Variants in DLC1 observed in about 807,000 individuals in gnomAD.
DLC1 encodes rho GTPase-activating protein 7.
Under a neutral mutation model 140.3 loss-of-function variants are expected in DLC1, and 54 were observed. The observed-to-expected ratio is 0.38, with a 90% CI of 0.31 to 0.48. DLC1 has a LOEUF of 0.48. DLC1 is among the 20% of genes least tolerant of loss of function. The probability of loss-of-function intolerance (pLI) is 0.96; values close to 1 mark genes in which losing one functional copy is unlikely to be tolerated. For missense variants in DLC1, 2,536 were observed against 1,907.0 expected (o/e 1.33, Z -6.14); for synonymous variants, 986 against 728.1 (o/e 1.35, Z -5.70).
intron 5 of DLC1, among the ~76,000 whole-genome samples, chr8:13,182,700 A>G (rs893620594): frequency 3.3e-5 from 5 of 152,166 alleles, no homozygotes; most frequent in Admixed American, 1.3e-4. Flanking sequence ...TGGTACCAGT[A>G]CCATGCTGTT....
Position 13,099,674 on chromosome 8 carries a change from T to C in DLC1, c.2663A>G (p.Tyr888Cys), listed in dbSNP as rs765622304. ...ATCCGCCAGGTCCCCTGAACTGGAG[T>C]AGAGGATGGAGCCCGGCACGTTGTC... ...IYDNVPGSIL[Y>C]SSSGDLADLE... is the part of the protein sequence containing the mutation. Residue 888 changes from tyrosine (Y) to cysteine (C), a missense_variant, in exon 9 of 18, where the codon TAC becomes TGC. By Grantham distance (194) the Tyr-to-Cys change is radical. Transcript: ENST00000276297. 4.3e-6 allele frequency: 7 copies of C among 1,613,978 alleles called. No homozygotes were observed. The South Asian group carries it at 7.7e-5, about 18-fold the overall frequency.
chr8:13,298,336 A>G (rs576253310), intron 5 of DLC1, among the ~76,000 whole-genome samples: 8 of 152,334 alleles, frequency 5.3e-5, no homozygotes, highest in South Asian at 2.1e-4. Context: ...AGTACCATTA[A>G]TTCATGACCT....
chr8:13,601,372 A>C (rs137906378), intron 1 of DLC1, among the ~76,000 whole-genome samples: 214 of 151,842 alleles, frequency 1.4e-3, no homozygotes, highest in Non-Finnish European at 2.2e-3. Context: ...AAAGTAGTCT[A>C]CTCATTTAGT....
At chr8:13,359,103 T>A (rs1835091282) in intron 4 of DLC1, among the ~76,000 whole-genome samples, 1 of 152,144 alleles carries the variant, frequency 6.6e-6, no homozygotes, top group African/African-American at 2.4e-5. Context: ...CACGCCCGGC[T>A]AATTTTTTCG....
intron 2 of DLC1, among the ~76,000 whole-genome samples, chr8:13,423,058 A>G (rs894673693): frequency 1.3e-5 from 2 of 152,188 alleles, no homozygotes; most frequent in African/African-American, 4.8e-5. Flanking sequence ...CTCTAGCTCT[A>G]GCTCAGTTCT....
intron 5 of DLC1, chr8:13,276,539 C>G: frequency 3.1e-6 from 4 of 1,289,316 alleles, no homozygotes; most frequent in Non-Finnish European, 3.9e-6. Context: ...CCCCGGGAAG[C>G]GCCAACTGCA....
intron 1 of DLC1, among the ~76,000 whole-genome samples, chr8:13,539,012 A>G (rs1803394651): frequency 6.6e-6 from 1 of 152,160 alleles, no homozygotes. Context: ...TTAGTCACTT[A>G]AATTATTTTG....
At chr8:13,299,298 AT>A (rs1250478832) in intron 5 of DLC1, among the ~76,000 whole-genome samples, 5 of 151,654 alleles carry the variant, frequency 3.3e-5, no homozygotes, top group Admixed American at 3.3e-4. Context: ...TAAAAAAAAA[AT>A]TAGCCAGGTG....
At position 13,499,601 on chromosome 8, in the gene DLC1, G is replaced by T. The variant is rs773687153; in HGVS notation, c.471C>A (p.Asn157Lys). ...LEKALPIIQSNQVSSNSWGIA... is the reference protein window; with the variant it reads ...LEKALPIIQSKQVSSNSWGIA... ...TTCCCCAGGAGTTAGAAGAAACTTG[G>T]TTACTTTGTATGATGGGCAGTGCCT... is the stretch of plus-strand genomic sequence containing the variant. The change falls in exon 2 of 18, where the codon AAC (asparagine) becomes AAA (lysine). Residue 157 changes from asparagine (N) to lysine (K), a missense_variant. Transcript: ENST00000276297. 1 of 1,614,102 alleles carries T rather than the reference G, an allele frequency of 6.2e-7. No individual in the cohort carries two copies. Among genetic ancestry groups the T allele is most frequent in the Non-Finnish European group, 8.5e-7 (1 of 1,180,008 alleles).
chr8:13,423,850 TTTA>T (rs956163909), intron 2 of DLC1, among the ~76,000 whole-genome samples: 48 of 152,192 alleles, frequency 3.2e-4, no homozygotes, highest in African/African-American at 1.1e-3. Context: ...GCTGAATATT[TTTA>T]TTCTAAACGT....
chr8:13,184,074 T>G (rs1035601931), intron 5 of DLC1, among the ~76,000 whole-genome samples: 2 of 152,222 alleles, frequency 1.3e-5, no homozygotes, highest in East Asian at 3.8e-4. Context: ...ATTTATCCAT[T>G]TCTTCTAGAT....
Position 13,453,426 on chromosome 8 carries a change from G to GTATATATATATATATATGTGTA in DLC1, c.1023+45622_1023+45623insTACACATATATATATATATATA, listed in dbSNP as rs1185667826. On this transcript the variant is annotated intron_variant, in intron 2 of 17. Transcript: ENST00000276297. ...TGTGTATATATATATATATATATGTGTATATATATATGTATATATATACAT... is the reference window on the plus strand; with the variant it reads ...TGTGTATATATATATATATATATGTGTATATATATATATATATGTGTATATATATATATGTATATATATACAT... Among the ~76,000 whole-genome samples the GTATATATATATATATATGTGTA allele has an allele frequency of 3.2e-4, 4 of 12,694 alleles. No homozygotes were observed. In the South Asian group the frequency reaches 9.9e-3, roughly 31 times the overall value. The allele number at this position is 12,694 out of a possible 152,430, so 8.3% of individuals were successfully genotyped here.
At chr8:13,546,776 C>G (rs1017012285) in intron 1 of DLC1, among the ~76,000 whole-genome samples, 2 of 152,060 alleles carry the variant, frequency 1.3e-5, no homozygotes, top group South Asian at 2.1e-4. Context: ...TATTATATCC[C>G]AGATTTAGAC....
At chr8:13,400,707 G>A (rs944785344) in intron 3 of DLC1, among the ~76,000 whole-genome samples, 27 of 152,036 alleles carry the variant, frequency 1.8e-4, no homozygotes, top group Non-Finnish European at 2.9e-4. Flanking sequence ...GACTTAATAT[G>A]TTTATTATTG....
At chr8:13,555,153 T>C (rs1803997146) in intron 1 of DLC1, among the ~76,000 whole-genome samples, 1 of 152,232 alleles carries the variant, frequency 6.6e-6, no homozygotes, top group Admixed American at 6.5e-5. Flanking sequence ...TCAGACACAC[T>C]TTCCTTGACC....
At chr8:13,575,589 A>G (rs921534151) in intron 1 of DLC1, among the ~76,000 whole-genome samples, 4 of 152,104 alleles carry the variant, frequency 2.6e-5, no homozygotes, top group Non-Finnish European at 5.9e-5. Context: ...GCTGTTAAAC[A>G]TAAAAAAAAA....
chr8:13,600,498 G>A (rs11203499), intron 1 of DLC1, among the ~76,000 whole-genome samples: 121,270 of 151,728 alleles, frequency 0.8, 50,005 homozygotes, highest in Middle Eastern at 0.9. Context: ...CGTCAAAGAC[G>A]TTTTGCATTT....
chr8:13,432,589 G>C (rs1838928997), intron 2 of DLC1, among the ~76,000 whole-genome samples: 1 of 152,114 alleles, frequency 6.6e-6, no homozygotes, highest in Non-Finnish European at 1.5e-5. Flanking sequence ...GTTGATTTTT[G>C]CTTTACACCC....
chr8:13,549,262 A>C (rs1428058177), intron 1 of DLC1, among the ~76,000 whole-genome samples: 1 of 152,222 alleles, frequency 6.6e-6, no homozygotes, highest in South Asian at 2.1e-4. Flanking sequence ...TGAGTAATAG[A>C]AGAAATCAGT....
Sources: allele counts gnomAD v4.1 joint callset (sites outside exome capture counted in the v4.1 genomes callset), GRCh38; gene constraint gnomAD v4.1.1; transcripts MANE v1.5; gene names NCBI Gene and HGNC (gene_info 2026-07-23, HGNC 2026-07-21).